Variants in PRRC2B observed in about 807,000 individuals in gnomAD.
PRRC2B encodes the protein protein PRRC2B.
In PRRC2B, 68 loss-of-function variants were observed where a neutral mutation model predicts 242.3. The ratio of observed to expected loss-of-function variants is 0.28; its 90% CI spans 0.23 to 0.34. The LOEUF (loss-of-function observed/expected upper bound fraction) is 0.34. PRRC2B is among the 10% of genes least tolerant of loss of function. PRRC2B has a pLI of 1.00. For missense variants in PRRC2B, 2,835 were observed against 2,954.8 expected, an observed-to-expected ratio of 0.96 and a Z score of 0.94; for synonymous variants, 1,228 against 1,173.6, an observed-to-expected ratio of 1.05 and a Z score of -0.95.
At chr9:131,420,428 T>C (rs1837770440) in intron 1 of PRRC2B, among the ~76,000 whole-genome samples, 1 of 149,090 alleles carries the variant, frequency 6.7e-6, no homozygotes, top group Non-Finnish European at 1.5e-5. Context: ...CCACCTCTGC[T>C]TTTCTTTTTT....
chr9:131,454,578 G>C (rs1240568717), intron 9 of PRRC2B, among the ~76,000 whole-genome samples: 2 of 151,954 alleles, frequency 1.3e-5, no homozygotes, highest in African/African-American at 4.8e-5. Flanking sequence ...CTGGGATAGC[G>C]AGATTTCTGG....
In PRRC2B at chr9:131,430,245, C is replaced by G. The variant is rs200364610; in HGVS notation, c.101C>G (p.Ala34Gly). ...FDKYKGKSVD[A>G]IRSSVIPRHG... ...AAGTATAAAGGAAAATCAGTAGACG[C>G]GATTAGATCCTCAGGTAAGGCCCAG... The change falls in exon 2 of 32, where the codon GCG (alanine) becomes GGG (glycine). Residue 34 changes from alanine (A) to glycine (G), a missense_variant. Transcript: ENST00000683519. 6.9e-6 allele frequency: 11 copies of G among 1,590,604 alleles called. No homozygotes were observed. In the Admixed American group the frequency reaches 7.0e-5, roughly 10 times the overall value.
In PRRC2B at chr9:131,499,064, T is replaced by C. The variant is rs1172607306; in HGVS notation, c.*3190T>C. ...GTTCCTTAAGGGGGAAAACAAAAGA[T>C]GACTTTATTTCACATTCAAGAAAAT... On this transcript the variant is annotated 3_prime_UTR_variant, in exon 32 of 32. Transcript: ENST00000683519. 2 of 152,238 alleles carry C rather than the reference T, an allele frequency of 1.3e-5. No individual in the cohort carries two copies. Among genetic ancestry groups the C allele is most frequent in the Non-Finnish European group, 1.5e-5 (1 of 68,034 alleles). The allele number at this position is 152,238 out of a possible 1,614,324, so 9.4% of individuals were successfully genotyped here. A position where few individuals can be genotyped will look rare whatever the true frequency, so the allele number is the denominator to read the frequency against.
In PRRC2B at chr9:131,485,898, G is replaced by A. The variant is rs186475797; in HGVS notation, c.5759-187G>A. 99 of 701,726 alleles carry A rather than the reference G, an allele frequency of 1.4e-4. No homozygotes were observed. In the African/African-American group the frequency reaches 1.5e-3, roughly 10 times the overall value. 43.5% of individuals were successfully genotyped at this position (701,726 alleles called of 1,614,324 possible). On this transcript the variant is annotated intron_variant, in intron 25 of 31. Transcript: ENST00000683519. The stretch of plus-strand genomic sequence containing the variant: ...ACCCTCCCTACGTTCCCTGAGGTGC[G>A]TGCCAGGCGTGTTGTGAGCAGGCGT...
In PRRC2B at chr9:131,498,177, A is replaced by C. The variant is rs938921351; in HGVS notation, c.*2303A>C. On this transcript the variant is annotated 3_prime_UTR_variant, in exon 32 of 32. Coordinates refer to ENST00000683519, the MANE Select transcript of PRRC2B (RefSeq NM_013318.4). ...ACCTGTTCTCCAGCCCTTTTCTCTT[A>C]CCTGGTATTTCCTTCCTTTCTCCTC... 2.0e-5 allele frequency: 3 copies of C among 152,160 alleles called. No individual in the cohort carries two copies. Among genetic ancestry groups the C allele is most frequent in the Non-Finnish European group, 4.4e-5 (3 of 68,032 alleles). 9.4% of individuals were successfully genotyped at this position (152,160 alleles called of 1,614,324 possible).
chr9:131,425,748 A>G (rs1837959637), intron 1 of PRRC2B, among the ~76,000 whole-genome samples: 1 of 151,332 alleles, frequency 6.6e-6, no homozygotes, highest in Non-Finnish European at 1.5e-5. Context: ...TCAGCCTCCC[A>G]AAGTGCTGGG....
At chr9:131,491,666 TAGAA>T (rs1425416899) in intron 29 of PRRC2B, 86 bp downstream of exon 29, 6 of 1,294,380 alleles carry the variant, frequency 4.6e-6, no homozygotes, top group African/African-American at 4.5e-5. Context: ...CCCTGTGTGG[TAGAA>T]AGAGCCAGTG....
At chr9:131,401,226 G>A (rs1439292247) in intron 1 of PRRC2B, among the ~76,000 whole-genome samples, 2 of 152,086 alleles carry the variant, frequency 1.3e-5, no homozygotes, top group African/African-American at 4.8e-5. Flanking sequence ...TAAGTGTACA[G>A]TTGAGTGGCG....
At chr9:131,439,261 G>A (rs765651135) in intron 5 of PRRC2B, among the ~76,000 whole-genome samples, 200 bp downstream of exon 5, 1 of 152,214 alleles carries the variant, frequency 6.6e-6, no homozygotes, top group African/African-American at 2.4e-5. Context: ...TTCTTTGGAT[G>A]TGTGCTCTTG....
At position 131,475,761 on chromosome 9, in the gene PRRC2B, A is replaced by G. The variant is rs1312229510; in HGVS notation, c.3632A>G (p.Asn1211Ser). The G allele has an allele frequency of 1.1e-5, 17 of 1,613,530 alleles. No individual in the cohort carries two copies. The highest frequency in any genetic ancestry group is 8.9e-5 in the East Asian group (4 of 44,876). ...CGAGCCCTCCCTCCCCGGCTGAGCA[A>G]TTGCGGGTATGGACGGAGAACCTTC... The part of the protein sequence containing the change: ...FGRALPPRLS[N>S]CGYGRRTFVS... The change falls in exon 16 of 32, where the codon AAT becomes AGT. Residue 1211 changes from asparagine (N) to serine (S), a missense_variant. Coordinates refer to ENST00000683519, the MANE Select transcript of PRRC2B (RefSeq NM_013318.4).
chr9:131,419,981 C>A (rs1247500441), intron 1 of PRRC2B, among the ~76,000 whole-genome samples: 2 of 152,058 alleles, frequency 1.3e-5, no homozygotes, highest in Non-Finnish European at 2.9e-5. Flanking sequence ...CCATGTGGTT[C>A]CGGCAAGGGG....
intron 19 of PRRC2B, among the ~76,000 whole-genome samples, chr9:131,480,643 G>T (rs1394583689): frequency 6.6e-6 from 1 of 151,400 alleles, no homozygotes; most frequent in African/African-American, 2.4e-5. Context: ...TAAAGATGGG[G>T]TCTCACTATG....
chr9:131,390,565 C>A (rs1389289308), upstream of PRRC2B, among the ~76,000 whole-genome samples: 1 of 130,584 alleles, frequency 7.7e-6, no homozygotes, highest in Non-Finnish European at 1.6e-5. Context: ...TCAGTGCAAG[C>A]TCTGCCTCCC....
intron 19 of PRRC2B, among the ~76,000 whole-genome samples, 156 bp from the exon 20 acceptor site, chr9:131,481,570 C>G (rs1242882481): frequency 1.3e-5 from 2 of 151,284 alleles, no homozygotes; most frequent in African/African-American, 4.9e-5. Flanking sequence ...GAGCCGTTCA[C>G]TGGGTGTCAC....
At chr9:131,429,382 C>A (rs1213918651) in intron 1 of PRRC2B, among the ~76,000 whole-genome samples, 1 of 152,170 alleles carries the variant, frequency 6.6e-6, no homozygotes, top group Non-Finnish European at 1.5e-5. Context: ...TCTTGGAGGG[C>A]TTTTCAAGGT....
chr9:131,447,710 G>C lies in PRRC2B; in HGVS notation c.1026G>C (p.Gln342His). The change falls in exon 9 of 32, where the codon CAG becomes CAC. Residue 342 changes from glutamine to histidine, a missense_variant. Gln to His is a conservative substitution (Grantham distance 24, BLOSUM62 0). Transcript: ENST00000683519. Reference protein sequence around the residue: ...GLSRPLRPLRQLVERAPRPTI... With the variant: ...GLSRPLRPLRHLVERAPRPTI... Reference sequence around the variant, plus strand: ...CTCGCCCACTCCGCCCACTAAGGCAGCTGGTGGAGCGGGCACCACGGCCCA... The same window carrying C: ...CTCGCCCACTCCGCCCACTAAGGCACCTGGTGGAGCGGGCACCACGGCCCA... 6.2e-7 allele frequency: 1 copy of C among 1,613,298 alleles called. No homozygotes were observed. The highest frequency in any genetic ancestry group is 8.5e-7 in the Non-Finnish European group (1 of 1,179,514).
chr9:131,405,742 A>ATT (rs1430331569), intron 1 of PRRC2B, among the ~76,000 whole-genome samples: 1 of 152,116 alleles, frequency 6.6e-6, no homozygotes, highest in Non-Finnish European at 1.5e-5. Flanking sequence ...GTTAGCTGGA[A>ATT]TTCAGAGAGA....
chr9:131,432,389 A>T (rs1213361209), intron 2 of PRRC2B, among the ~76,000 whole-genome samples: 1 of 152,158 alleles, frequency 6.6e-6, no homozygotes, highest in African/African-American at 2.4e-5. Flanking sequence ...AAGCCTTTTT[A>T]CAGGTTTTAG....
chr9:131,450,096 G>C (rs1942862595), intron 9 of PRRC2B, among the ~76,000 whole-genome samples: 1 of 151,948 alleles, frequency 6.6e-6, no homozygotes, highest in African/African-American at 2.4e-5. Flanking sequence ...CCACACTGTG[G>C]GTTTATAGTA....
Sources: allele counts gnomAD v4.1 joint callset (sites outside exome capture counted in the v4.1 genomes callset), GRCh38; gene constraint gnomAD v4.1.1; transcripts MANE v1.5; gene names NCBI Gene and HGNC (gene_info 2026-07-23, HGNC 2026-07-21).